Variants in MAPT observed in about 807,000 individuals in gnomAD.
The protein encoded by MAPT is microtubule associated protein tau, also known as microtubule-associated protein tau.
A neutral mutation model predicts 67.9 loss-of-function variants in MAPT; 34 were observed. The observed-to-expected ratio is 0.50, with a 90% CI of 0.38 to 0.67. The LOEUF (loss-of-function observed/expected upper bound fraction) is 0.67, where lower values mean the gene tolerates loss of function less well. MAPT is among the 30% of genes least tolerant of loss of function. The pLI, the probability that MAPT is intolerant of heterozygous loss-of-function variation, is 0.00. For synonymous variants in MAPT, 456 were observed against 464.5 expected (o/e 0.98, Z 0.23); for missense variants, 881 against 1,115.2 (o/e 0.79, Z 2.99).
intron 9 of MAPT, among the ~76,000 whole-genome samples, chr17:46,007,461 TGGG>T (rs2075529505): frequency 6.6e-6 from 1 of 152,112 alleles, no homozygotes; most frequent in Admixed American, 6.5e-5. Context: ...CATTCCAGCC[TGGG>T]TGACAGAGTG....
intron 9 of MAPT, among the ~76,000 whole-genome samples, chr17:46,004,773 T>G (rs1208134390): frequency 6.6e-6 from 1 of 152,118 alleles, no homozygotes; most frequent in Admixed American, 6.5e-5. Flanking sequence ...AAAAATTTCT[T>G]TTTTGTTTTT....
At position 45,995,979 on chromosome 17, in the gene MAPT, ACCTCCT is replaced by A. The variant is rs2074435539; in HGVS notation, c.1733-419_1733-414del. Among the ~76,000 whole-genome samples, 1 of 151,970 alleles carries A rather than the reference ACCTCCT, an allele frequency of 6.6e-6. No individual in the cohort carries two copies. The highest frequency in any genetic ancestry group is 2.1e-4 in the South Asian group (1 of 4,816). Reference sequence around the variant, plus strand: ...TAGAGGTTGGCAAAGCATATCTACCACCTCCTGGAGCCACGCTGGCCGCAGGGATTA... The same window carrying A: ...TAGAGGTTGGCAAAGCATATCTACCAGGAGCCACGCTGGCCGCAGGGATTA... On this transcript the variant is annotated intron_variant, in intron 8 of 12. Coordinates refer to ENST00000262410, the MANE Select transcript of MAPT (RefSeq NM_001377265.1). The surrounding 1 kb of genome is among the most constrained non-coding windows in gnomAD (Gnocchi z 4.3).
chr17:45,996,992 C>G lies in MAPT; in HGVS notation c.1998+328C>G, dbSNP rs139898391. Among the ~76,000 whole-genome samples, 20 of 152,346 alleles carry G rather than the reference C, an allele frequency of 1.3e-4. No individual in the cohort carries two copies. Among genetic ancestry groups the G allele is most frequent in the African/African-American group, 4.6e-4 (19 of 41,576 alleles). ...GATGGCAGGGCTGTGTCTCCACGGC[C>G]GGAGGCTCTCATAGTCAGGGCACCC... On this transcript the variant is annotated intron_variant, in intron 9 of 12. Coordinates refer to ENST00000262410, the MANE Select transcript of MAPT (RefSeq NM_001377265.1). This position sits in a 1 kb window ranked among gnomAD's most constrained non-coding sequence, Gnocchi z 4.5.
intron 1 of MAPT, among the ~76,000 whole-genome samples, chr17:45,912,789 T>C (rs564973748): frequency 3.9e-5 from 6 of 152,344 alleles, no homozygotes; most frequent in Non-Finnish European, 8.8e-5. Context: ...CAAATTTAAC[T>C]GGGTCTCCTG....
intron 8 of MAPT, among the ~76,000 whole-genome samples, chr17:45,992,503 C>A (rs1248181540): frequency 6.6e-6 from 1 of 152,178 alleles, no homozygotes; most frequent in Non-Finnish European, 1.5e-5. Context: ...CAGGCTGGGC[C>A]CGTTGCCCTG....
At chr17:45,924,231 A>G (rs1276689117) in intron 1 of MAPT, among the ~76,000 whole-genome samples, 1 of 152,044 alleles carries the variant, frequency 6.6e-6, no homozygotes, top group Admixed American at 6.6e-5. Context: ...ACCAGAACAC[A>G]GCCTCTGTAC....
intron 1 of MAPT, among the ~76,000 whole-genome samples, chr17:45,957,578 G>A (rs1258584130): frequency 6.6e-6 from 1 of 152,010 alleles, no homozygotes; most frequent in Non-Finnish European, 1.5e-5. Flanking sequence ...CATCTCTGCT[G>A]TGAGCCCCAG....
chr17:45,962,279 C>A (rs966671669), intron 1 of MAPT, 42 bp from the exon 2 acceptor site: 5 of 1,570,468 alleles, frequency 3.2e-6, no homozygotes, highest in South Asian at 2.3e-5. Flanking sequence ...ACTCTGCCCC[C>A]CAACACTCCT....
In MAPT at chr17:46,024,197, T is replaced by A; in HGVS notation, c.*26T>A. On this transcript the variant is annotated 3_prime_UTR_variant, in exon 13 of 13. Coordinates refer to ENST00000262410, the MANE Select transcript of MAPT (RefSeq NM_001377265.1). The stretch of plus-strand genomic sequence containing the variant: ...TCAGGCCCCTGGGGCGGTCAATAAT[T>A]GTGGAGAGGAGAGAATGAGAGAGTG... The A allele has an allele frequency of 1.3e-6, 2 of 1,597,676 alleles. No individual in the cohort carries two copies.
chr17:45,997,212 C>T (rs2074556629), intron 9 of MAPT, among the ~76,000 whole-genome samples: 1 of 152,162 alleles, frequency 6.6e-6, no homozygotes, highest in Non-Finnish European at 1.5e-5. Context: ...TGGAGAAGCA[C>T]AGACTTCGGG....
At position 45,996,121 on chromosome 17, in the gene MAPT, C is replaced by T. The variant is rs564975587; in HGVS notation, c.1733-278C>T. On this transcript the variant is annotated intron_variant, in intron 8 of 12. Coordinates refer to ENST00000262410, the MANE Select transcript of MAPT (RefSeq NM_001377265.1). The surrounding 1 kb of genome is among the most constrained non-coding windows in gnomAD (Gnocchi z 4.5). ...TCTCTTGACCCAAAGACTGTGGAGC[C>T]GAGTTGGCCACCTCTCTGGGAGCGG... is the stretch of plus-strand genomic sequence containing the variant. Among the ~76,000 whole-genome samples, 1 of 152,250 alleles carries T rather than the reference C, an allele frequency of 6.6e-6. No individual in the cohort carries two copies. Among genetic ancestry groups the T allele is most frequent in the African/African-American group, 2.4e-5 (1 of 41,546 alleles).
chr17:46,014,408 C>G, intron 11 of MAPT, 84 bp downstream of exon 11: 1 of 941,570 alleles, frequency 1.1e-6, no homozygotes, highest in Non-Finnish European at 1.8e-6. Context: ...CTCCAGACTT[C>G]AGAAGGGGCT....
intron 1 of MAPT, among the ~76,000 whole-genome samples, chr17:45,908,992 G>T (rs1029744285): frequency 6.6e-6 from 1 of 152,176 alleles, no homozygotes; most frequent in African/African-American, 2.4e-5. Context: ...AAACTGAAGG[G>T]TGGAGCCACC....
intron 5 of MAPT, 43 bp downstream of exon 5, chr17:45,983,973 C>G: frequency 7.3e-7 from 1 of 1,376,238 alleles, no homozygotes; most frequent in Non-Finnish European, 9.9e-7. Context: ...GGGGACCTCC[C>G]AGGCCTCCCA....
In MAPT at chr17:45,983,848, G is replaced by C. The variant is rs541421492; in HGVS notation, c.1269G>C (p.Glu423Asp). 1 of 1,609,828 alleles carries C rather than the reference G, an allele frequency of 6.2e-7. No individual in the cohort carries two copies. The highest frequency in any genetic ancestry group is 1.7e-5 in the Admixed American group (1 of 58,850). Reference protein sequence around the residue: ...RGPSLGEDTKEADLPEPSEKQ... With the variant: ...RGPSLGEDTKDADLPEPSEKQ... ...CCTCTTTGGGAGAGGACACAAAAGA[G>C]GCTGACCTTCCAGAGCCCTCTGAAA... The change falls in exon 5 of 13, where the codon GAG becomes GAC. Residue 423 changes from glutamate (E) to aspartate (D), a missense_variant. Physicochemically the swap from Glu to Asp is conservative, Grantham distance 45 (BLOSUM62 2). Coordinates refer to ENST00000262410, the MANE Select transcript of MAPT (RefSeq NM_001377265.1).
chr17:45,952,829 A>T (rs17650597), intron 1 of MAPT, among the ~76,000 whole-genome samples: 21,788 of 152,008 alleles, frequency 0.14, 2,129 homozygotes, highest in Non-Finnish European at 0.22. Context: ...CTTCTTCCAT[A>T]CCCTAGACCT....
intron 1 of MAPT, among the ~76,000 whole-genome samples, chr17:45,930,589 C>T (rs1210191471): frequency 2.0e-5 from 3 of 152,168 alleles, no homozygotes; most frequent in Non-Finnish European, 4.4e-5. Flanking sequence ...TTGTCCCAGG[C>T]CACACAGCCA....
At chr17:45,989,479 T>C (rs1423430321) in intron 6 of MAPT, among the ~76,000 whole-genome samples, 1 of 150,684 alleles carries the variant, frequency 6.6e-6, no homozygotes, top group Non-Finnish European at 1.5e-5. Context: ...TGAAACCCCA[T>C]CTCTACTAAA....
chr17:45,927,560 G>A (rs541332494), intron 1 of MAPT, among the ~76,000 whole-genome samples: 21 of 152,152 alleles, frequency 1.4e-4, no homozygotes, highest in Non-Finnish European at 2.4e-4. Flanking sequence ...TCTCAGGAAC[G>A]GTGCTTAGCT....
Sources: gnomAD v4.1 joint callset for allele counts (sites outside exome capture counted in the v4.1 genomes callset) on GRCh38, gnomAD v4.1.1 for gene constraint, Gnocchi (gnomAD v3.1) non-coding constraint, MANE v1.5 for transcripts, NCBI Gene and HGNC (gene_info 2026-07-23, HGNC 2026-07-21) for gene names.